Variants in LIG3 observed in about 807,000 individuals in gnomAD.
LIG3 encodes ligase II, DNA, ATP-dependent.
In LIG3, 58 loss-of-function variants were observed where a neutral mutation model predicts 110.9. The observed-to-expected ratio is 0.52, with a 90% CI of 0.42 to 0.65. LIG3 has a LOEUF of 0.65. Ranked by LOEUF, LIG3 falls within the 30% of genes least tolerant of loss-of-function variation. The pLI, the probability that LIG3 is intolerant of heterozygous loss-of-function variation, is 0.00. For missense variants in LIG3, 1,094 were observed against 1,273.8 expected (o/e 0.86, Z 2.15); for synonymous variants, 422 against 472.8 (o/e 0.89, Z 1.39).
Position 35,009,674 on chromosome 17 carries a change from TG to T in LIG3, c.*5169del, listed in dbSNP as rs1247337418. On this transcript the variant is annotated 3_prime_UTR_variant, in exon 20 of 20. Coordinates refer to ENST00000378526, the MANE Select transcript of LIG3 (RefSeq NM_013975.4). ...GGGGATAAAAGATTTAAAGGCAAAATGAGTAAACAACCTCAGTTTTAATTCT... is the reference window on the plus strand; with the variant it reads ...GGGGATAAAAGATTTAAAGGCAAAATAGTAAACAACCTCAGTTTTAATTCT... 6.6e-6 allele frequency: 1 copy of T among 151,884 alleles called. No individual in the cohort carries two copies. The highest frequency in any genetic ancestry group is 1.5e-5 in the Non-Finnish European group (1 of 68,006). The allele number at this position is 151,884 out of a possible 1,614,324, so 9.4% of individuals were successfully genotyped here.
At chr17:34,997,498 A>T in intron 11 of LIG3, 1 of 483,646 alleles carries the variant, frequency 2.1e-6, no homozygotes, top group Admixed American at 3.2e-5. Context: ...TCGCTTGATG[A>T]AGTAGAACTA....
chr17:34,984,558 C>G (rs1441463284), intron 2 of LIG3, among the ~76,000 whole-genome samples: 1 of 151,930 alleles, frequency 6.6e-6, no homozygotes, highest in South Asian at 2.1e-4. Context: ...GGTAATTTCT[C>G]TGGGGATTCC....
intron 14 of LIG3, chr17:34,999,062 A>G (rs773396680): frequency 2.7e-5 from 14 of 527,484 alleles, no homozygotes; most frequent in Middle Eastern, 4.9e-4. Context: ...TAAGCAATCT[A>G]TCATGTGTCC....
Position 34,994,305 on chromosome 17 carries a change from A to G in LIG3, c.1485A>G (p.Ala495=), listed in dbSNP as rs1293070563. 6.2e-7 allele frequency: 1 copy of G among 1,613,854 alleles called. No homozygotes were observed. The highest frequency in any genetic ancestry group is 1.7e-5 in the Admixed American group (1 of 60,016). The change falls in exon 9 of 20, where the codon GCA becomes GCG. Residue 495 remains alanine (A), a synonymous_variant. Coordinates refer to ENST00000378526, the MANE Select transcript of LIG3 (RefSeq NM_013975.4). ...LAEACKSVEY[A]MKKCPNGMFS... is the part of the protein sequence containing the mutation. ...AGGCCTGCAAGTCCGTTGAGTATGC[A>G]ATGAAGAAATGTCCCAATGGCATGT...
At chr17:34,992,844 T>C (rs1567689679) in intron 8 of LIG3, 152 bp downstream of exon 8, 7 of 748,954 alleles carry the variant, frequency 9.3e-6, no homozygotes. Flanking sequence ...GGTATTTCTC[T>C]GTAGGAGGCG....
intron 11 of LIG3, chr17:34,997,197 G>A (rs2090787295): frequency 6.1e-6 from 1 of 164,934 alleles, no homozygotes; most frequent in Non-Finnish European, 1.3e-5. Context: ...GCTTGTGCCT[G>A]AGAAACCAGT....
At chr17:34,997,875 G>A (rs1206528482) in intron 12 of LIG3, 50 bp downstream of exon 12, 1 of 1,373,078 alleles carries the variant, frequency 7.3e-7, no homozygotes, top group South Asian at 1.2e-5. Context: ...TGAAAGCAGG[G>A]CAGAGAACTC....
chr17:35,003,564 C>T (rs1473642037), intron 19 of LIG3: 2 of 163,112 alleles, frequency 1.2e-5, no homozygotes, highest in African/African-American at 4.8e-5. Flanking sequence ...ATCCGCCTGC[C>T]TTGGTCTCCC....
chr17:34,982,915 T>C (rs1236739797), intron 1 of LIG3, 87 bp from the exon 2 acceptor site: 5 of 1,017,834 alleles, frequency 4.9e-6, no homozygotes, highest in Non-Finnish European at 5.7e-6. Context: ...ATGGACTATA[T>C]AAGACGCTGG....
At chr17:34,998,144 G>T in intron 12 of LIG3, 75 bp from the exon 13 acceptor site, 2 of 1,121,058 alleles carry the variant, frequency 1.8e-6, no homozygotes, top group Admixed American at 2.0e-5. Context: ...ACTAGTGTGT[G>T]AAAAGGAACA....
At chr17:34,982,817 G>A (rs2090612428) in intron 1 of LIG3, among the ~76,000 whole-genome samples, 185 bp from the exon 2 acceptor site, 1 of 152,108 alleles carries the variant, frequency 6.6e-6, no homozygotes, top group African/African-American at 2.4e-5. Flanking sequence ...ACATCCTGCT[G>A]CGAGCTGGCT....
chr17:34,992,480 C>A, intron 7 of LIG3, 44 bp from the exon 8 acceptor site: 1 of 1,528,116 alleles, frequency 6.5e-7, no homozygotes, highest in Non-Finnish European at 8.8e-7. Flanking sequence ...TGGAGTCAAA[C>A]AAAGGCAGTG....
In LIG3 at chr17:34,992,526, T is replaced by G; in HGVS notation, c.1289T>G (p.Leu430Ter). The G allele has an allele frequency of 6.3e-7, 1 of 1,586,362 alleles. No individual in the cohort carries two copies. Among genetic ancestry groups the G allele is most frequent in the Non-Finnish European group, 8.6e-7 (1 of 1,167,448 alleles). ...CTTGTTCCTGTACCCCTTGGCAGGT[T>G]AGACGCCCTTGACCCCAATGCCTAT... ...LKMNSGAKHV[L>*]DALDPNAYEA... Residue 430 changes from leucine (L) to a stop codon, truncating the protein, a stop_gained and splice_region_variant, in exon 8 of 20, where the codon TTA (leucine) becomes TGA (stop). Transcript: ENST00000378526. LOFTEE classifies it high-confidence loss of function.
chr17:35,004,651 C>G lies in LIG3; in HGVS notation c.*145C>G. ...CCAGTTCTCCACTGTCTCTTCTGGA[C>G]CAGGAATTAGTTGCTGTGGGTGCCA... On this transcript the variant is annotated 3_prime_UTR_variant, in exon 20 of 20. Transcript: ENST00000378526. 4.7e-6 allele frequency: 3 copies of G among 642,672 alleles called. No homozygotes were observed. The highest frequency in any genetic ancestry group is 8.1e-6 in the Non-Finnish European group (3 of 370,000). The allele number at this position is 642,672 out of a possible 1,614,324, so 39.8% of individuals were successfully genotyped here. A position where few individuals can be genotyped will look rare whatever the true frequency, so the allele number is the denominator to read the frequency against.
chr17:35,005,139 G>A lies in LIG3; in HGVS notation c.*633G>A, dbSNP rs1048915238. The A allele has an allele frequency of 2.8e-6, 1 of 357,626 alleles. No individual in the cohort carries two copies. The highest frequency in any genetic ancestry group is 5.5e-6 in the Non-Finnish European group (1 of 181,130). 22.2% of individuals were successfully genotyped at this position (357,626 alleles called of 1,614,324 possible). ...GGGACTAGGGTCAGGTAGGAAAATG[G>A]GGCCTTTATGAAGAAAGGGGAGGTT... On this transcript the variant is annotated 3_prime_UTR_variant, in exon 20 of 20. Transcript: ENST00000378526.
At chr17:34,992,834 G>A in intron 8 of LIG3, 142 bp downstream of exon 8, 1 of 819,820 alleles carries the variant, frequency 1.2e-6, no homozygotes, top group Admixed American at 3.6e-5. Context: ...GGTGCAAGGG[G>A]GTATTTCTCT....
In LIG3 at chr17:35,004,437, G is replaced by A. The variant is rs76122405; in HGVS notation, c.2961G>A (p.Ala987=). ...TGGGTAGCAGGGACAAGAACCCTGCGGCCCAGCAGGTCTCCCCAGAGTGGA... is the reference window on the plus strand; with the variant it reads ...TGGGTAGCAGGGACAAGAACCCTGCAGCCCAGCAGGTCTCCCCAGAGTGGA... ...HVLGSRDKNP[A]AQQVSPEWIW... Residue 987 remains alanine (A), a synonymous_variant, in exon 20 of 20, where the codon GCG becomes GCA. Transcript: ENST00000378526. 4.7e-3 allele frequency: 7,582 copies of A among 1,614,164 alleles called. 94 individuals carry two copies. In the East Asian group the frequency reaches 0.048, roughly 10 times the overall value.
rs746555316 is a variant in LIG3, at chr17:35,001,964, A to G, written c.2534A>G (p.Glu845Gly). Residue 845 changes from glutamate (E) to glycine (G), a missense_variant, in exon 18 of 20, where the codon GAG (glutamate) becomes GGG (glycine). By Grantham distance (98) the Glu-to-Gly change is moderately conservative (BLOSUM62 -2). Transcript: ENST00000378526. ...GACTTCACTGTAGTGGCTGGAGATG[A>G]GGGGAGCTCCACTACAGGGGGTAGC... Reference protein sequence around the residue: ...KADFTVVAGDEGSSTTGGSSE... With the variant: ...KADFTVVAGDGGSSTTGGSSE... 8.1e-6 allele frequency: 13 copies of G among 1,612,704 alleles called. No individual in the cohort carries two copies. In the South Asian group the frequency reaches 1.4e-4, roughly 18 times the overall value.
chr17:34,998,445 G>A, intron 13 of LIG3, 149 bp downstream of exon 13: 1 of 1,113,226 alleles, frequency 9.0e-7, no homozygotes, highest in South Asian at 1.4e-5. Context: ...CCTGGATCTG[G>A]AGGACTGCTT....
Sources: allele counts gnomAD v4.1 joint callset (sites outside exome capture counted in the v4.1 genomes callset), GRCh38; gene constraint gnomAD v4.1.1; transcripts MANE v1.5; gene names NCBI Gene and HGNC (gene_info 2026-07-23, HGNC 2026-07-21).